The following SLC24A3 variants were observed in gnomAD, a reference collection of about 807,000 sequenced individuals.
SLC24A3 encodes the protein solute carrier family 24 member 3.
A neutral mutation model predicts 75.8 loss-of-function variants in SLC24A3; 28 were observed. The observed-to-expected ratio is 0.37, with a 90% CI of 0.27 to 0.51. SLC24A3 has a LOEUF of 0.51. SLC24A3 is among the 20% of genes least tolerant of loss of function. The pLI, the probability that SLC24A3 is intolerant of heterozygous loss-of-function variation, is 0.94. For missense variants in SLC24A3, 663 were observed against 847.8 expected (o/e 0.78, Z 2.71); for synonymous variants, 372 against 334.1 (o/e 1.11, Z -1.24).
At chr20:19,319,933 T>A (rs1246065610) in intron 2 of SLC24A3, among the ~76,000 whole-genome samples, 1 of 152,218 alleles carries the variant, frequency 6.6e-6, no homozygotes, top group African/African-American at 2.4e-5. Context: ...GGTGGCTCCC[T>A]GCCAAGCATG....
intron 3 of SLC24A3, among the ~76,000 whole-genome samples, chr20:19,525,194 C>A (rs1250113237): frequency 6.6e-6 from 1 of 152,166 alleles, no homozygotes; most frequent in Non-Finnish European, 1.5e-5. Flanking sequence ...AGAATCTGAT[C>A]TTACAGCAGA....
chr20:19,693,462 T>A (rs1384185893), intron 13 of SLC24A3, 37 bp downstream of exon 13: 1 of 1,605,240 alleles, frequency 6.2e-7, no homozygotes, highest in Non-Finnish European at 8.5e-7. Context: ...CTGTTAAATC[T>A]CTTTAGAGAA....
intron 2 of SLC24A3, among the ~76,000 whole-genome samples, chr20:19,358,906 A>G (rs530673855): frequency 1.0e-3 from 157 of 152,306 alleles, no homozygotes; most frequent in Non-Finnish European, 1.4e-3. Flanking sequence ...TTCACTTAGT[A>G]TCATGTTTTC....
chr20:19,394,753 TTG>T (rs1189181427), intron 2 of SLC24A3, among the ~76,000 whole-genome samples: 1 of 152,144 alleles, frequency 6.6e-6, no homozygotes, highest in Non-Finnish European at 1.5e-5. Context: ...ATTGGAACCT[TTG>T]TGTACTCTTG....
chr20:19,713,368 G>A (rs1361113007), intron 15 of SLC24A3, among the ~76,000 whole-genome samples: 1 of 152,194 alleles, frequency 6.6e-6, no homozygotes, highest in African/African-American at 2.4e-5. Context: ...AGTGGGGAAG[G>A]GAGAGAGAGT....
chr20:19,455,746 T>G (rs1987567554), intron 2 of SLC24A3, among the ~76,000 whole-genome samples: 1 of 152,226 alleles, frequency 6.6e-6, no homozygotes, highest in African/African-American at 2.4e-5. Context: ...GGGCTCTGTC[T>G]CACTTCCTCA....
At position 19,696,786 on chromosome 20, in the gene SLC24A3, G is replaced by C; in HGVS notation, c.1492-11G>C. 1 of 1,605,642 alleles carries C rather than the reference G, an allele frequency of 6.2e-7. No individual in the cohort carries two copies. Among genetic ancestry groups the C allele is most frequent in the Non-Finnish European group, 8.5e-7 (1 of 1,172,512 alleles). The stretch of plus-strand genomic sequence containing the variant: ...GACCCTCAGCTGACCACCTCTTCCT[G>C]CTCCTTCTAGGTCACAATCATTGGT... On this transcript the variant is annotated splice_polypyrimidine_tract_variant and intron_variant, in intron 13 of 16. Transcript: ENST00000328041.
chr20:19,398,140 T>G (rs1342066793), intron 2 of SLC24A3, among the ~76,000 whole-genome samples: 1 of 152,198 alleles, frequency 6.6e-6, no homozygotes, highest in Non-Finnish European at 1.5e-5. Flanking sequence ...ATGATTTTAC[T>G]TGTGTGACTT....
chr20:19,257,346 T>A (rs1018843173), intron 1 of SLC24A3, among the ~76,000 whole-genome samples: 1 of 152,218 alleles, frequency 6.6e-6, no homozygotes, highest in Non-Finnish European at 1.5e-5. Context: ...TCTCAGACGG[T>A]TGACTCCGCT....
At chr20:19,582,364 C>CA (rs1483733882) in intron 4 of SLC24A3, among the ~76,000 whole-genome samples, 9 of 152,202 alleles carry the variant, frequency 5.9e-5, no homozygotes, top group African/African-American at 2.2e-4. Context: ...TTGTCGTTTC[C>CA]AGCTTTTGTG....
At chr20:19,596,036 T>C (rs1174395143) in intron 6 of SLC24A3, among the ~76,000 whole-genome samples, 3 of 151,750 alleles carry the variant, frequency 2.0e-5, no homozygotes, top group African/African-American at 7.3e-5. Flanking sequence ...CTCAGAGAGG[T>C]GGTAGCCAGG....
intron 2 of SLC24A3, among the ~76,000 whole-genome samples, chr20:19,462,068 C>G (rs1987686654): frequency 1.3e-5 from 2 of 152,128 alleles, no homozygotes; most frequent in South Asian, 4.1e-4. Context: ...TATCCACCTC[C>G]CATCCTGTAC....
At chr20:19,378,082 T>C (rs999256417) in intron 2 of SLC24A3, among the ~76,000 whole-genome samples, 3 of 152,286 alleles carry the variant, frequency 2.0e-5, no homozygotes, top group East Asian at 1.9e-4. Flanking sequence ...TCATTTCTTT[T>C]TGGAACTTCT....
intron 1 of SLC24A3, among the ~76,000 whole-genome samples, chr20:19,228,937 A>G (rs1047002549): frequency 2.0e-5 from 3 of 152,156 alleles, no homozygotes; most frequent in Non-Finnish European, 4.4e-5. Context: ...GATAATTTCT[A>G]TGTTCCTCTA....
intron 2 of SLC24A3, among the ~76,000 whole-genome samples, chr20:19,288,663 T>G (rs184151109): frequency 6.6e-5 from 10 of 152,310 alleles, no homozygotes; most frequent in Admixed American, 5.2e-4. Context: ...AGTTGATAGA[T>G]TAGTTAGTCT....
chr20:19,243,721 T>G (rs145086421), intron 1 of SLC24A3, among the ~76,000 whole-genome samples: 76 of 152,302 alleles, frequency 5.0e-4, no homozygotes, highest in Middle Eastern at 3.4e-3. Flanking sequence ...TTACAGTCCC[T>G]GTTTCTCATC....
At chr20:19,216,383 G>T (rs1470197922) in intron 1 of SLC24A3, among the ~76,000 whole-genome samples, 1 of 152,012 alleles carries the variant, frequency 6.6e-6, no homozygotes, top group East Asian at 1.9e-4. Context: ...TCTCAGGGAG[G>T]TCAATAGTAA....
At chr20:19,329,656 T>C (rs1984952863) in intron 2 of SLC24A3, among the ~76,000 whole-genome samples, 2 of 152,250 alleles carry the variant, frequency 1.3e-5, no homozygotes, top group South Asian at 4.1e-4. Flanking sequence ...CAGTGAGATA[T>C]ATTGTGGATT....
intron 2 of SLC24A3, among the ~76,000 whole-genome samples, chr20:19,474,294 G>A (rs1987925298): frequency 6.6e-6 from 1 of 152,202 alleles, no homozygotes; most frequent in Admixed American, 6.5e-5. Flanking sequence ...CCACTTCCCT[G>A]TGCCTGGTAT....
Sources: gnomAD v4.1 joint callset for allele counts (sites outside exome capture counted in the v4.1 genomes callset) on GRCh38, gnomAD v4.1.1 for gene constraint, MANE v1.5 for transcripts, NCBI Gene and HGNC (gene_info 2026-07-23, HGNC 2026-07-21) for gene names.